The following SEMA6A variants were observed in gnomAD, a reference collection of about 807,000 sequenced individuals.
The protein encoded by SEMA6A is semaphorin 6A, also known as semaphorin-6A.
A neutral mutation model predicts 96.8 loss-of-function variants in SEMA6A; 25 were observed. The observed-to-expected ratio is 0.26, with a 90% CI of 0.19 to 0.36. The LOEUF is 0.36. Among genes scored for constraint, SEMA6A ranks in the 10% least tolerant of loss-of-function variants. The probability of loss-of-function intolerance (pLI) is 1.00; values close to 1 mark genes in which losing one functional copy is unlikely to be tolerated. For missense variants in SEMA6A, 1,363 were observed against 1,323.1 expected, an observed-to-expected ratio of 1.03 and a Z score of -0.47; for synonymous variants, 612 against 518.0, an observed-to-expected ratio of 1.18 and a Z score of -2.46.
chr5:116,507,766 A>G (rs1042486619), intron 1 of SEMA6A, among the ~76,000 whole-genome samples: 2 of 152,220 alleles, frequency 1.3e-5, no homozygotes, highest in Non-Finnish European at 2.9e-5. Flanking sequence ...CATTTACTTC[A>G]TAAGTAAGCC....
At chr5:116,489,584 G>T (rs796841857) in intron 7 of SEMA6A, among the ~76,000 whole-genome samples, 2 of 152,168 alleles carry the variant, frequency 1.3e-5, no homozygotes, top group Admixed American at 6.5e-5. Context: ...CTAAACCCTC[G>T]CAATCTGGTT....
chr5:116,503,069 T>A (rs1757965759), intron 2 of SEMA6A, among the ~76,000 whole-genome samples: 1 of 152,212 alleles, frequency 6.6e-6, no homozygotes, highest in East Asian at 1.9e-4. Flanking sequence ...GTGGCCAATC[T>A]GTATTGAGAT....
At chr5:116,464,517 C>A (rs1023325103) in intron 18 of SEMA6A, among the ~76,000 whole-genome samples, 1 of 152,130 alleles carries the variant, frequency 6.6e-6, no homozygotes, top group Non-Finnish European at 1.5e-5. Flanking sequence ...TCTCTTCTCA[C>A]GCTTTGTTAG....
intron 18 of SEMA6A, among the ~76,000 whole-genome samples, 186 bp from the exon 19 acceptor site, chr5:116,447,997 T>G (rs1010585326): frequency 2.0e-5 from 3 of 151,986 alleles, no homozygotes; most frequent in Non-Finnish European, 4.4e-5. Context: ...TCGTGTGCAG[T>G]ATGTAAATGG....
intron 2 of SEMA6A, 119 bp from the exon 3 acceptor site, chr5:116,502,446 C>CA: frequency 1.4e-6 from 1 of 726,930 alleles, no homozygotes; most frequent in East Asian, 2.6e-5. Flanking sequence ...GACCATGCCA[C>CA]CATTTTCCAT....
At chr5:116,512,890 C>T (rs570541607) in intron 1 of SEMA6A, among the ~76,000 whole-genome samples, 1 of 152,232 alleles carries the variant, frequency 6.6e-6, no homozygotes, top group Non-Finnish European at 1.5e-5. Context: ...GCAACAGTCT[C>T]AACCAGGCTT....
chr5:116,504,007 G>T (rs1266101074), intron 2 of SEMA6A, among the ~76,000 whole-genome samples: 1 of 152,104 alleles, frequency 6.6e-6, no homozygotes, highest in South Asian at 2.1e-4. Flanking sequence ...TGTCAGTTTT[G>T]CTACCTCATT....
At chr5:116,542,378 T>A (rs375010617) in intron 1 of SEMA6A, among the ~76,000 whole-genome samples, 29 of 152,192 alleles carry the variant, frequency 1.9e-4, no homozygotes, top group African/African-American at 6.0e-4. Flanking sequence ...TCTATTGCAC[T>A]TTATTTCTTC....
intron 1 of SEMA6A, among the ~76,000 whole-genome samples, chr5:116,544,402 C>A (rs1760098945): frequency 6.6e-6 from 1 of 152,072 alleles, no homozygotes; most frequent in Non-Finnish European, 1.5e-5. Context: ...GCAATCCTCC[C>A]ACCTCAGCCT....
chr5:116,548,435 A>G (rs1188099589), intron 1 of SEMA6A, among the ~76,000 whole-genome samples: 2 of 152,202 alleles, frequency 1.3e-5, no homozygotes, highest in Non-Finnish European at 2.9e-5. Flanking sequence ...CAGGCTGTGA[A>G]TACATCTCAG....
intron 10 of SEMA6A, among the ~76,000 whole-genome samples, chr5:116,484,680 C>T (rs9885352): frequency 0.039 from 5,883 of 152,134 alleles, 144 homozygotes; most frequent in East Asian, 0.092. Flanking sequence ...ATCTTCAGGA[C>T]GGTCTGGTAA....
chr5:116,524,791 C>CACACACACACACACACAG (rs150818687), intron 1 of SEMA6A, among the ~76,000 whole-genome samples: 101 of 151,634 alleles, frequency 6.7e-4, no homozygotes, highest in African/African-American at 2.4e-3. Flanking sequence ...CACACACAGA[C>CACACACACACACACACAG]ACACACACAC....
intron 6 of SEMA6A, among the ~76,000 whole-genome samples, chr5:116,494,212 T>G (rs1443228530): frequency 6.6e-6 from 1 of 152,220 alleles, no homozygotes; most frequent in Non-Finnish European, 1.5e-5. Flanking sequence ...CAGAATCAAA[T>G]GAGATTTCTC....
intron 1 of SEMA6A, among the ~76,000 whole-genome samples, chr5:116,557,692 G>A (rs1760661005): frequency 6.6e-6 from 1 of 152,150 alleles, no homozygotes; most frequent in Non-Finnish European, 1.5e-5. Context: ...TTCCAGTGCT[G>A]TCTTCTATGC....
chr5:116,483,658 G>C (rs563415935), intron 10 of SEMA6A, among the ~76,000 whole-genome samples: 2 of 152,264 alleles, frequency 1.3e-5, no homozygotes, highest in East Asian at 3.9e-4. Flanking sequence ...ATTGCTTAAA[G>C]CAAGAAATAG....
intron 16 of SEMA6A, among the ~76,000 whole-genome samples, chr5:116,473,760 A>G (rs998763585): frequency 4.6e-5 from 7 of 152,102 alleles, no homozygotes; most frequent in South Asian, 4.1e-4. Context: ...CTGAATACCT[A>G]TGTGGGGATA....
chr5:116,532,668 C>G (rs1027517742), intron 1 of SEMA6A, among the ~76,000 whole-genome samples: 6 of 152,178 alleles, frequency 3.9e-5, no homozygotes, highest in Admixed American at 3.3e-4. Flanking sequence ...ATTTTCTAAC[C>G]ATCTTGTAAC....
intron 1 of SEMA6A, among the ~76,000 whole-genome samples, chr5:116,558,925 T>C (rs1760706352): frequency 6.6e-6 from 1 of 152,192 alleles, no homozygotes; most frequent in Non-Finnish European, 1.5e-5. Context: ...CACATGTATA[T>C]CTAATTTCAG....
chr5:116,481,620 G>A (rs974358430), intron 11 of SEMA6A, among the ~76,000 whole-genome samples: 1 of 152,162 alleles, frequency 6.6e-6, no homozygotes, highest in Non-Finnish European at 1.5e-5. Flanking sequence ...TCCTTCCAGA[G>A]GCACACAACT....
Sources: gnomAD v4.1 joint callset for allele counts (sites outside exome capture counted in the v4.1 genomes callset) on GRCh38, gnomAD v4.1.1 for gene constraint, MANE v1.5 for transcripts, NCBI Gene and HGNC (gene_info 2026-07-23, HGNC 2026-07-21) for gene names.